The following MYO3B variants were observed in gnomAD, a reference collection of about 807,000 sequenced individuals.
MYO3B encodes the protein myosin IIIB, also known as myosin-IIIb.
In MYO3B, 156 loss-of-function variants were observed where a neutral mutation model predicts 174.6. The observed-to-expected ratio is 0.89, with a 90% CI of 0.78 to 1.02. The LOEUF (loss-of-function observed/expected upper bound fraction) is 1.02, where lower values mean the gene tolerates loss of function less well. Ranked by LOEUF, MYO3B falls within the 50% of genes least tolerant of loss-of-function variation. The pLI is 0.00. For synonymous variants in MYO3B, 563 were observed against 569.1 expected (o/e 0.99, Z 0.15); for missense variants, 1,632 against 1,639.4 (o/e 1.00, Z 0.08).
chr2:170,635,478 G>A (rs372713324), intron 32 of MYO3B, among the ~76,000 whole-genome samples: 7 of 152,146 alleles, frequency 4.6e-5, no homozygotes, highest in South Asian at 2.1e-4. Context: ...TGGGGGGAGC[G>A]GGGGAGGGAT....
chr2:170,387,139 C>G lies in MYO3B; in HGVS notation c.1408C>G (p.Gln470Glu). The change falls in exon 14 of 35, where the codon CAA becomes GAA. Residue 470 changes from glutamine (Q) to glutamate (E), a missense_variant. Gln to Glu is a conservative substitution (Grantham distance 29). Coordinates refer to ENST00000408978, the MANE Select transcript of MYO3B (RefSeq NM_138995.5). ...TCAGACCTTGAGAGAGAAAATTCTACAAGTCAACTCCCTGGTGGAAGCCTT... is the reference window on the plus strand; with the variant it reads ...TCAGACCTTGAGAGAGAAAATTCTAGAAGTCAACTCCCTGGTGGAAGCCTT... The part of the protein sequence containing the change: ...NNQTLREKIL[Q>E]VNSLVEAFGN... The G allele has an allele frequency of 6.2e-7, 1 of 1,614,034 alleles. No individual in the cohort carries two copies. Among genetic ancestry groups the G allele is most frequent in the South Asian group, 1.1e-5 (1 of 91,074 alleles).
chr2:170,586,332 C>T (rs72625230), intron 32 of MYO3B, among the ~76,000 whole-genome samples: 14,110 of 152,198 alleles, frequency 0.093, 799 homozygotes, highest in East Asian at 0.31. Flanking sequence ...CTAGACTCAA[C>T]AGAAACATAA....
chr2:170,386,966 G>A (rs1371215692), intron 13 of MYO3B, 140 bp from the exon 14 acceptor site: 4 of 698,834 alleles, frequency 5.7e-6, no homozygotes, highest in East Asian at 2.7e-5. Context: ...AATGATGCTG[G>A]TGGTTGATGC....
At chr2:170,425,034 T>C (rs113049196) in intron 22 of MYO3B, among the ~76,000 whole-genome samples, 1,902 of 152,338 alleles carry the variant, frequency 0.012, 33 homozygotes, top group African/African-American at 0.041. Flanking sequence ...CATTTATACT[T>C]TATTAAGTCA....
chr2:170,238,182 A>G (rs1314801892), intron 7 of MYO3B, among the ~76,000 whole-genome samples: 1 of 152,236 alleles, frequency 6.6e-6, no homozygotes, highest in Non-Finnish European at 1.5e-5. Flanking sequence ...AAATGTGTGC[A>G]TCCTGTGTGA....
intron 25 of MYO3B, among the ~76,000 whole-genome samples, chr2:170,474,097 G>A (rs939557223): frequency 2.0e-5 from 3 of 152,202 alleles, no homozygotes; most frequent in East Asian, 1.9e-4. Context: ...TACCAAGCCA[G>A]TGTCTTTTTC....
At chr2:170,633,278 C>A (rs1468450947) in intron 32 of MYO3B, among the ~76,000 whole-genome samples, 2 of 152,188 alleles carry the variant, frequency 1.3e-5, no homozygotes, top group African/African-American at 4.8e-5. Context: ...CCACCAAAAT[C>A]AATTTGGATT....
Position 170,514,959 on chromosome 2 carries a change from G to A in MYO3B, c.3409G>A (p.Val1137Ile), listed in dbSNP as rs34546065. The change falls in exon 29 of 35, where the codon GTC becomes ATC. Residue 1137 changes from valine to isoleucine, a missense_variant. Physicochemically the swap from Val to Ile is conservative, Grantham distance 29 (BLOSUM62 3). Transcript: ENST00000408978. ...CCAAAGCAGTGGGCCACATTCCCCC[G>A]TCGCAGCAGGTACGAGGGGAAGTGC... ...SNQSSGPHSP[V>I]AAGTRGSAEV... is the part of the protein sequence containing the mutation. 0.012 allele frequency: 19,392 copies of A among 1,613,750 alleles called. 490 individuals carry two copies. Among genetic ancestry groups the A allele is most frequent in the African/African-American group, 0.08 (5,991 of 74,974 alleles).
At chr2:170,467,619 A>G (rs1311369301) in intron 25 of MYO3B, among the ~76,000 whole-genome samples, 1 of 152,038 alleles carries the variant, frequency 6.6e-6, no homozygotes, top group Non-Finnish European at 1.5e-5. Flanking sequence ...AAGACAAGGC[A>G]ATCAAGAAAA....
intron 16 of MYO3B, 116 bp downstream of exon 16, chr2:170,392,611 T>C: frequency 3.4e-6 from 2 of 591,476 alleles, no homozygotes. Context: ...ATGTTGGTCA[T>C]GTTATAAGGT....
chr2:170,292,353 T>C (rs1027587239), intron 7 of MYO3B, among the ~76,000 whole-genome samples: 2 of 152,212 alleles, frequency 1.3e-5, no homozygotes, highest in African/African-American at 4.8e-5. Context: ...GATCACTGCA[T>C]TTCCTTAAAA....
intron 30 of MYO3B, among the ~76,000 whole-genome samples, chr2:170,521,770 A>G (rs1409605865): frequency 2.0e-5 from 3 of 152,016 alleles, no homozygotes; most frequent in Non-Finnish European, 4.4e-5. Context: ...TTTTGCTTTT[A>G]CCACCAGACT....
intron 8 of MYO3B, among the ~76,000 whole-genome samples, chr2:170,345,489 T>C (rs1276047035): frequency 6.6e-6 from 1 of 152,154 alleles, no homozygotes; most frequent in Non-Finnish European, 1.5e-5. Context: ...TCATAATTTA[T>C]TTTTAGTATG....
chr2:170,333,029 G>T (rs2093922847), intron 7 of MYO3B, among the ~76,000 whole-genome samples: 2 of 152,134 alleles, frequency 1.3e-5, no homozygotes, highest in African/African-American at 4.8e-5. Context: ...ATGGTGAACT[G>T]CTTTGGGGGT....
intron 28 of MYO3B, among the ~76,000 whole-genome samples, chr2:170,514,094 A>G (rs1460990801): frequency 6.6e-6 from 1 of 152,080 alleles, no homozygotes; most frequent in Non-Finnish European, 1.5e-5. Flanking sequence ...ACCAGAAAAA[A>G]TCTCCTCCGT....
intron 32 of MYO3B, among the ~76,000 whole-genome samples, chr2:170,620,990 G>C (rs1189965513): frequency 6.6e-6 from 1 of 151,994 alleles, no homozygotes; most frequent in South Asian, 2.1e-4. Context: ...CCGGGTTCAA[G>C]CGCTTCTCCT....
chr2:170,307,990 C>A (rs761438873), intron 7 of MYO3B, among the ~76,000 whole-genome samples: 9 of 152,170 alleles, frequency 5.9e-5, no homozygotes, highest in Non-Finnish European at 1.3e-4. Flanking sequence ...CTTTGTGCAA[C>A]AGATGTAAAG....
At chr2:170,488,046 A>G (rs1183876804) in intron 25 of MYO3B, among the ~76,000 whole-genome samples, 1 of 152,240 alleles carries the variant, frequency 6.6e-6, no homozygotes, top group Non-Finnish European at 1.5e-5. Flanking sequence ...TCAAATTAAA[A>G]CCACAATTCA....
intron 7 of MYO3B, chr2:170,334,982 T>C: frequency 6.1e-6 from 1 of 162,992 alleles, no homozygotes; most frequent in Non-Finnish European, 1.3e-5. Flanking sequence ...GGTACCATAA[T>C]GATCTGAAAA....
Sources: gnomAD v4.1 joint callset for allele counts (sites outside exome capture counted in the v4.1 genomes callset) on GRCh38, gnomAD v4.1.1 for gene constraint, MANE v1.5 for transcripts, NCBI Gene and HGNC (gene_info 2026-07-23, HGNC 2026-07-21) for gene names.